B3GALT1: variants seen among roughly 807,000 people sequenced by gnomAD.
The protein encoded by B3GALT1 is beta-1,3-galactosyltransferase 1.
A neutral mutation model predicts 23.2 loss-of-function variants in B3GALT1; 10 were observed. The ratio of observed to expected loss-of-function variants is 0.43; its 90% CI spans 0.27 to 0.73. B3GALT1 has a LOEUF of 0.73. B3GALT1 is among the 30% of genes least tolerant of loss of function. B3GALT1 has a pLI of 0.21. For missense variants in B3GALT1, 299 were observed against 405.4 expected, an observed-to-expected ratio of 0.74 and a Z score of 2.25; for synonymous variants, 156 against 141.5, an observed-to-expected ratio of 1.10 and a Z score of -0.73.
intron 3 of B3GALT1, among the ~76,000 whole-genome samples, chr2:167,689,628 G>A (rs1200273761): frequency 6.6e-6 from 1 of 152,128 alleles, no homozygotes; most frequent in Non-Finnish European, 1.5e-5. Context: ...GCAGAGGACT[G>A]GTGTGATCTG....
intron 2 of B3GALT1, among the ~76,000 whole-genome samples, chr2:167,559,960 C>G (rs2105387656): frequency 6.6e-6 from 1 of 152,164 alleles, no homozygotes; most frequent in South Asian, 2.1e-4. Context: ...GAGAATGCCA[C>G]AAAGATACTC....
chr2:167,350,410 C>T (rs1295565024), intron 1 of B3GALT1, among the ~76,000 whole-genome samples: 1 of 152,118 alleles, frequency 6.6e-6, no homozygotes, highest in Non-Finnish European at 1.5e-5. Flanking sequence ...TGTTTGTAGT[C>T]TTTTAAGAAA....
rs186765617 is a variant in B3GALT1 at position 167,300,482 on chromosome 2, A to G, written c.-511+7148A>G. Among the ~76,000 whole-genome samples the G allele has an allele frequency of 7.9e-5, 12 of 152,346 alleles. No homozygotes were observed. In the East Asian group the frequency reaches 2.3e-3, roughly 29 times the overall value. On this transcript the variant is annotated intron_variant, in intron 1 of 4. Transcript: ENST00000392690. ...GTTCATCTACAATAACAAGTAGGTTATAACAGCAAAGGATTTTAACATAAA... is the reference window on the plus strand; with the variant it reads ...GTTCATCTACAATAACAAGTAGGTTGTAACAGCAAAGGATTTTAACATAAA...
At chr2:167,461,558 A>G (rs1470317690) in intron 1 of B3GALT1, among the ~76,000 whole-genome samples, 1 of 152,180 alleles carries the variant, frequency 6.6e-6, no homozygotes, top group African/African-American at 2.4e-5. Context: ...CTCATACTAC[A>G]TGGCAAATAA....
chr2:167,869,752 G>A lies in B3GALT1; in HGVS notation c.713G>A (p.Gly238Glu). The A allele has an allele frequency of 6.2e-7, 1 of 1,614,096 alleles. No individual in the cohort carries two copies. The highest frequency in any genetic ancestry group is 8.5e-7 in the Non-Finnish European group (1 of 1,180,014). ...AGTAACTACCCACCTTTCTGTTCGG[G>A]GACTGGCTACATCTTTTCAGCCGAT... ...PDSNYPPFCS[G>E]TGYIFSADVA... Residue 238 changes from glycine to glutamate, a missense_variant, in exon 5 of 5, where the codon GGG becomes GAG. Gly to Glu is a moderately conservative substitution (Grantham distance 98). Coordinates refer to ENST00000392690, the MANE Select transcript of B3GALT1 (RefSeq NM_020981.4). This position sits in a 1 kb window ranked among gnomAD's most constrained non-coding sequence, Gnocchi z 6.4.
At chr2:167,605,484 C>CG (rs1684947326) in intron 2 of B3GALT1, among the ~76,000 whole-genome samples, 1 of 50,738 alleles carries the variant, frequency 2.0e-5, no homozygotes, top group Non-Finnish European at 4.4e-5. Flanking sequence ...GCTCAGATGG[C>CG]ATGTCAACCC....
intron 1 of B3GALT1, among the ~76,000 whole-genome samples, chr2:167,438,260 A>G (rs1205615045): frequency 6.6e-6 from 1 of 152,190 alleles, no homozygotes; most frequent in Admixed American, 6.6e-5. Context: ...GTATTTTAAG[A>G]GAGGTTTCAA....
intron 1 of B3GALT1, among the ~76,000 whole-genome samples, chr2:167,319,711 A>G (rs779442598): frequency 1.3e-5 from 2 of 152,084 alleles, no homozygotes; most frequent in Non-Finnish European, 2.9e-5. Flanking sequence ...GATATATATA[A>G]TGTTTGTAAT....
At chr2:167,662,132 A>G (rs948508751) in intron 3 of B3GALT1, among the ~76,000 whole-genome samples, 6 of 151,888 alleles carry the variant, frequency 4.0e-5, no homozygotes, top group Admixed American at 3.9e-4. Flanking sequence ...AAAGAGAAAC[A>G]ACAAATTCTG....
chr2:167,301,425 G>A (rs1026700266), intron 1 of B3GALT1, among the ~76,000 whole-genome samples: 2 of 152,136 alleles, frequency 1.3e-5, no homozygotes, highest in Non-Finnish European at 2.9e-5. Context: ...TGTGCTTCAG[G>A]CTCAAATTCC....
At chr2:167,453,906 G>A (rs1699127205) in intron 1 of B3GALT1, among the ~76,000 whole-genome samples, 4 of 152,188 alleles carry the variant, frequency 2.6e-5, no homozygotes, top group Admixed American at 2.0e-4. Context: ...AGTAACAGCT[G>A]TAATTTACCT....
rs547375430 is a variant in B3GALT1, at chr2:167,739,931, A to C, written c.-351-78741A>C. 2.1e-4 allele frequency among the ~76,000 whole-genome samples: 22 copies of C among 104,632 alleles called. No individual in the cohort carries two copies. The East Asian group carries it at 3.0e-3, about 14-fold the overall frequency. The allele number at this position is 104,632 out of a possible 152,430, so 68.6% of individuals were successfully genotyped here. On this transcript the variant is annotated intron_variant, in intron 3 of 4. Transcript: ENST00000392690. ...CACAGTAAGAAGTTGTCTCTACAAA[A>C]AAACAAACAAAAAAAAAAAAATCTA... is the stretch of plus-strand genomic sequence containing the variant.
At chr2:167,720,925 A>G (rs1003658386) in intron 3 of B3GALT1, among the ~76,000 whole-genome samples, 2 of 152,194 alleles carry the variant, frequency 1.3e-5, no homozygotes, top group Non-Finnish European at 2.9e-5. Flanking sequence ...TGCATTGGGA[A>G]TCTCACATGA....
chr2:167,446,707 G>C (rs1014846976), intron 1 of B3GALT1, among the ~76,000 whole-genome samples: 24 of 152,062 alleles, frequency 1.6e-4, no homozygotes, highest in African/African-American at 5.1e-4. Flanking sequence ...TGGTTTTCAG[G>C]TCCATCAGGT....
In B3GALT1 at chr2:167,525,629, A is replaced by AT. The variant is rs548402536; in HGVS notation, c.-410+35358dup. On this transcript the variant is annotated intron_variant, in intron 2 of 4. Coordinates refer to ENST00000392690, the MANE Select transcript of B3GALT1 (RefSeq NM_020981.4). Reference sequence around the variant, plus strand: ...CATTGGGAGCTCTTTCATTTTTTTTATTTTTTATTTGTATTTATTTTTGAG... The same window carrying AT: ...CATTGGGAGCTCTTTCATTTTTTTTATTTTTTTATTTGTATTTATTTTTGAG... Among the ~76,000 whole-genome samples the AT allele has an allele frequency of 1.2e-3, 178 of 151,074 alleles. 2 individuals are homozygous for AT. The highest frequency in any genetic ancestry group is 4.1e-3 in the African/African-American group (171 of 41,234).
intron 1 of B3GALT1, among the ~76,000 whole-genome samples, chr2:167,390,854 C>T (rs76161758): frequency 0.02 from 3,081 of 152,250 alleles, 107 homozygotes; most frequent in African/African-American, 0.071. Flanking sequence ...TAATCTAACG[C>T]AGTCATTGAT....
chr2:167,487,764 C>CA (rs1200169674), intron 1 of B3GALT1, among the ~76,000 whole-genome samples: 1 of 152,172 alleles, frequency 6.6e-6, no homozygotes, highest in Non-Finnish European at 1.5e-5. Context: ...TATCTGAAAG[C>CA]ATTTTATATT....
chr2:167,619,987 G>T (rs1308904463), intron 2 of B3GALT1, among the ~76,000 whole-genome samples: 3 of 152,078 alleles, frequency 2.0e-5, no homozygotes, highest in Non-Finnish European at 4.4e-5. Flanking sequence ...TATTTAAAAA[G>T]CTCAAAGAGG....
At chr2:167,599,011 A>G (rs1354097981) in intron 2 of B3GALT1, among the ~76,000 whole-genome samples, 1 of 152,158 alleles carries the variant, frequency 6.6e-6, no homozygotes, top group African/African-American at 2.4e-5. Flanking sequence ...AAAATATTAG[A>G]TATAGAGAGA....
Sources: gnomAD v4.1 joint callset for allele counts (sites outside exome capture counted in the v4.1 genomes callset) on GRCh38, gnomAD v4.1.1 for gene constraint, Gnocchi (gnomAD v3.1) non-coding constraint, MANE v1.5 for transcripts, NCBI Gene and HGNC (gene_info 2026-07-23, HGNC 2026-07-21) for gene names.